Variants in ZDHHC14 observed in about 807,000 individuals in gnomAD.
ZDHHC14 encodes the protein zDHHC palmitoyltransferase 14.
Under a neutral mutation model 47.7 loss-of-function variants are expected in ZDHHC14, and 16 were observed. The ratio of observed to expected loss-of-function variants is 0.34; its 90% CI spans 0.23 to 0.51. The LOEUF is 0.51. Among genes scored for constraint, ZDHHC14 ranks in the 20% least tolerant of loss-of-function variants. The pLI, the probability that ZDHHC14 is intolerant of heterozygous loss-of-function variation, is 0.97. For missense variants in ZDHHC14, 515 were observed against 662.5 expected (o/e 0.78, Z 2.44); for synonymous variants, 293 against 278.9 (o/e 1.05, Z -0.50).
chr6:157,439,300 C>T (rs1039680114), intron 1 of ZDHHC14, among the ~76,000 whole-genome samples: 1 of 152,048 alleles, frequency 6.6e-6, no homozygotes, highest in Non-Finnish European at 1.5e-5. Context: ...CTACAAGGAA[C>T]GTAAACAAAT....
At chr6:157,414,854 T>C (rs1384836583) in intron 1 of ZDHHC14, among the ~76,000 whole-genome samples, 1 of 149,602 alleles carries the variant, frequency 6.7e-6, no homozygotes, top group Non-Finnish European at 1.5e-5. Context: ...AACAAATTTC[T>C]TCACTGCCTG....
At chr6:157,482,720 C>G (rs1266436950) in intron 1 of ZDHHC14, among the ~76,000 whole-genome samples, 1 of 151,474 alleles carries the variant, frequency 6.6e-6, no homozygotes, top group Admixed American at 6.6e-5. Context: ...TGGATGACAC[C>G]GAATGGTTTT....
At chr6:157,503,802 T>G (rs1780245730) in intron 1 of ZDHHC14, among the ~76,000 whole-genome samples, 1 of 152,132 alleles carries the variant, frequency 6.6e-6, no homozygotes, top group Admixed American at 6.5e-5. Context: ...TGGCAAAAAT[T>G]AAGAAGTCTG....
intron 3 of ZDHHC14, among the ~76,000 whole-genome samples, chr6:157,614,866 G>A (rs1177696886): frequency 6.6e-6 from 1 of 151,890 alleles, no homozygotes; most frequent in African/African-American, 2.4e-5. Context: ...TGCTTCCCAG[G>A]TTCAAGCGAT....
At chr6:157,562,483 T>C (rs1782748042) in intron 2 of ZDHHC14, among the ~76,000 whole-genome samples, 1 of 152,038 alleles carries the variant, frequency 6.6e-6, no homozygotes. Context: ...GCTGCTGGGC[T>C]CTCCATGCGA....
intron 2 of ZDHHC14, among the ~76,000 whole-genome samples, chr6:157,573,964 G>T (rs1009212341): frequency 1.3e-5 from 2 of 151,848 alleles, no homozygotes; most frequent in Non-Finnish European, 2.9e-5. Context: ...TCGGGGTCGG[G>T]GGGGAAGTTC....
chr6:157,618,282 C>G lies in ZDHHC14; in HGVS notation c.566-10067C>G, dbSNP rs148679035. ...AGAATGACCGAAGACCACCAACACA[C>G]GAAGACCGTTTTTGAGGCTATACAA... On this transcript the variant is annotated intron_variant, in intron 3 of 8. Coordinates refer to ENST00000359775, the MANE Select transcript of ZDHHC14 (RefSeq NM_024630.3). Among the ~76,000 whole-genome samples the G allele has an allele frequency of 7.3e-3, 1,115 of 151,942 alleles. 6 individuals are homozygous for G. Among genetic ancestry groups the G allele is most frequent in the Middle Eastern group, 0.027 (8 of 292 alleles).
chr6:157,506,789 C>G (rs532475034), intron 1 of ZDHHC14, among the ~76,000 whole-genome samples: 20 of 152,308 alleles, frequency 1.3e-4, no homozygotes, highest in Non-Finnish European at 2.1e-4. Flanking sequence ...AAAACAACCA[C>G]TCAGGATATT....
chr6:157,456,870 G>A (rs943042794), intron 1 of ZDHHC14, among the ~76,000 whole-genome samples: 5 of 152,012 alleles, frequency 3.3e-5, no homozygotes, highest in Non-Finnish European at 7.4e-5. Context: ...GTTGTGGGCC[G>A]GGCGTGGTGG....
At position 157,516,250 on chromosome 6, in the gene ZDHHC14, TG is replaced by T. The variant is rs1323666441; in HGVS notation, c.246-26334del. Among the ~76,000 whole-genome samples the T allele has an allele frequency of 9.8e-5, 15 of 152,380 alleles. No homozygotes were observed. In the East Asian group the frequency reaches 2.1e-3, roughly 22 times the overall value. On this transcript the variant is annotated intron_variant, in intron 1 of 8. Transcript: ENST00000359775. ...GTAACTTATTACTACATTCTAACGT[TG>T]ATACTTGAGTTGTTTCAGTTTGAGG...
At chr6:157,431,967 G>A (rs1378931348) in intron 1 of ZDHHC14, among the ~76,000 whole-genome samples, 4 of 152,088 alleles carry the variant, frequency 2.6e-5, no homozygotes, top group Admixed American at 6.5e-5. Context: ...GGGCTCAAAC[G>A]ATCCACCTGC....
chr6:157,411,692 A>G (rs1044116576), intron 1 of ZDHHC14, among the ~76,000 whole-genome samples: 6 of 151,538 alleles, frequency 4.0e-5, no homozygotes, highest in Non-Finnish European at 8.8e-5. Flanking sequence ...GTTCCTTGTG[A>G]GTCTATAATT....
intron 1 of ZDHHC14, among the ~76,000 whole-genome samples, chr6:157,461,985 C>A (rs1945563963): frequency 6.6e-6 from 1 of 152,174 alleles, no homozygotes; most frequent in South Asian, 2.1e-4. Flanking sequence ...ATTTTTTAAA[C>A]CCCTGTTGGG....
intron 1 of ZDHHC14, among the ~76,000 whole-genome samples, chr6:157,458,848 G>GTTTTTTTTTTTTTTTTTTTT (rs1778990291): frequency 1.5e-5 from 1 of 68,780 alleles, no homozygotes; most frequent in Non-Finnish European, 2.8e-5. Context: ...AATGTGGGTG[G>GTTTTTTTTTTTTTTTTTTTT]ATTTTTTTTT....
intron 1 of ZDHHC14, among the ~76,000 whole-genome samples, chr6:157,525,645 C>T (rs151338936): frequency 1.8e-4 from 28 of 152,316 alleles, no homozygotes; most frequent in Middle Eastern, 3.4e-3. Context: ...CCAGGCAAGG[C>T]GAGTGTGAAA....
At chr6:157,628,586 C>T in intron 4 of ZDHHC14, 100 bp downstream of exon 4, 1 of 1,472,704 alleles carries the variant, frequency 6.8e-7, no homozygotes, top group Non-Finnish European at 9.2e-7. Context: ...TTCGGGCTTT[C>T]TCTTTCCCTT....
chr6:157,512,755 C>A (rs1328837414), intron 1 of ZDHHC14, among the ~76,000 whole-genome samples: 1 of 152,116 alleles, frequency 6.6e-6, no homozygotes, highest in South Asian at 2.1e-4. Flanking sequence ...AAAATATATC[C>A]GTCTTCCAGT....
intron 1 of ZDHHC14, among the ~76,000 whole-genome samples, chr6:157,455,428 C>T (rs539238964): frequency 1.3e-5 from 2 of 152,356 alleles, no homozygotes; most frequent in African/African-American, 4.8e-5. Flanking sequence ...CTGTTGAGTG[C>T]CTTTCCTCAT....
At chr6:157,461,062 T>C (rs180909936) in intron 1 of ZDHHC14, among the ~76,000 whole-genome samples, 7 of 152,352 alleles carry the variant, frequency 4.6e-5, no homozygotes, top group Admixed American at 3.9e-4. Context: ...CTGGTTAAAA[T>C]GCACATGCAA....
Sources: allele counts gnomAD v4.1 joint callset (sites outside exome capture counted in the v4.1 genomes callset), GRCh38; gene constraint gnomAD v4.1.1; transcripts MANE v1.5; gene names NCBI Gene and HGNC (gene_info 2026-07-23, HGNC 2026-07-21).